The following ZHX2 variants were observed in gnomAD, a reference collection of about 807,000 sequenced individuals.
ZHX2 encodes the protein zinc fingers and homeoboxes 2.
ZHX2 carries 6 observed loss-of-function variants against 21.9 expected under a neutral mutation model. The observed-to-expected ratio is 0.27, with a 90% confidence interval of 0.15 to 0.54. The LOEUF (loss-of-function observed/expected upper bound fraction) is 0.54. Among genes scored for constraint, ZHX2 ranks in the 20% least tolerant of loss-of-function variants. The pLI, the probability that ZHX2 is intolerant of heterozygous loss-of-function variation, is 0.95. For missense variants in ZHX2, 908 were observed against 1,090.7 expected, an observed-to-expected ratio of 0.83 and a Z score of 2.36; for synonymous variants, 434 against 437.1, an observed-to-expected ratio of 0.99 and a Z score of 0.09.
chr8:122,809,324 G>A (rs978321982), intron 1 of ZHX2: 3 of 152,126 alleles, frequency 2.0e-5, no homozygotes, highest in African/African-American at 7.2e-5. Flanking sequence ...ATGGCAAAAT[G>A]CCATCTCTAC....
intron 2 of ZHX2, among the ~76,000 whole-genome samples, chr8:122,923,102 A>G (rs1360082019): frequency 6.6e-6 from 1 of 152,244 alleles, no homozygotes; most frequent in African/African-American, 2.4e-5. Context: ...GAATCTTCTC[A>G]CATTCCTGGT....
intron 1 of ZHX2, among the ~76,000 whole-genome samples, chr8:122,800,963 T>G (rs1041739879): frequency 2.6e-5 from 4 of 152,244 alleles, no homozygotes; most frequent in African/African-American, 7.2e-5. Context: ...GCTCAAAAGT[T>G]AAATATTTGT....
At chr8:122,813,801 T>C (rs914615432) in intron 1 of ZHX2, among the ~76,000 whole-genome samples, 2 of 152,240 alleles carry the variant, frequency 1.3e-5, no homozygotes, top group African/African-American at 2.4e-5. Flanking sequence ...TTAAAGCATT[T>C]TGAATGTCAG....
At chr8:122,785,954 GACAA>G (rs1817386755) in intron 1 of ZHX2, among the ~76,000 whole-genome samples, 1 of 152,194 alleles carries the variant, frequency 6.6e-6, no homozygotes, top group Non-Finnish European at 1.5e-5. Flanking sequence ...ACCTTGTGCA[GACAA>G]ACGAGCTTAG....
chr8:122,879,504 TG>T (rs1279119506), intron 2 of ZHX2, among the ~76,000 whole-genome samples: 12 of 126,696 alleles, frequency 9.5e-5, no homozygotes, highest in Admixed American at 2.8e-4. Context: ...TGCACCGGGC[TG>T]GTTTTTTTTT....
intron 1 of ZHX2, among the ~76,000 whole-genome samples, chr8:122,825,003 T>A (rs1818233164): frequency 6.6e-6 from 1 of 152,192 alleles, no homozygotes. Context: ...GCCTGGCTCC[T>A]TCATTCATAA....
At chr8:122,821,226 G>A (rs905582521) in intron 1 of ZHX2, among the ~76,000 whole-genome samples, 37 of 152,184 alleles carry the variant, frequency 2.4e-4, no homozygotes, top group Admixed American at 2.3e-3. Context: ...GGAACCAGCT[G>A]CCAGGCTTCC....
At chr8:122,871,639 G>A (rs1819440200) in intron 2 of ZHX2, among the ~76,000 whole-genome samples, 1 of 145,588 alleles carries the variant, frequency 6.9e-6, no homozygotes, top group Non-Finnish European at 1.5e-5. Context: ...TAACAAACCT[G>A]CACGTTGTGC....
At chr8:122,937,770 C>T (rs866247611) in intron 2 of ZHX2, among the ~76,000 whole-genome samples, 2 of 151,424 alleles carry the variant, frequency 1.3e-5, no homozygotes, top group Admixed American at 6.6e-5. Flanking sequence ...GTAGAGACAG[C>T]GTTTCACCAT....
At chr8:122,869,117 CT>C (rs1819370663) in intron 2 of ZHX2, among the ~76,000 whole-genome samples, 1 of 152,180 alleles carries the variant, frequency 6.6e-6, no homozygotes, top group Non-Finnish European at 1.5e-5. Flanking sequence ...CTCTTGTCCT[CT>C]CCCCTGAGGC....
chr8:122,848,498 C>T (rs763782968), intron 1 of ZHX2, among the ~76,000 whole-genome samples: 6 of 152,110 alleles, frequency 3.9e-5, no homozygotes, highest in Non-Finnish European at 7.4e-5. Context: ...CCCACCACTC[C>T]CCAGATTAAC....
At chr8:122,825,245 C>T (rs1818239468) in intron 1 of ZHX2, among the ~76,000 whole-genome samples, 1 of 152,212 alleles carries the variant, frequency 6.6e-6, no homozygotes, top group Non-Finnish European at 1.5e-5. Flanking sequence ...CATGCACATT[C>T]TCCCCTGATG....
chr8:122,861,170 G>A (rs537161899), intron 1 of ZHX2, among the ~76,000 whole-genome samples: 8 of 152,042 alleles, frequency 5.3e-5, no homozygotes, highest in Non-Finnish European at 1.0e-4. Context: ...GAGGAAGAAC[G>A]TGGAGTGAGC....
intron 2 of ZHX2, among the ~76,000 whole-genome samples, chr8:122,884,169 A>T (rs972378569): frequency 6.6e-6 from 1 of 152,240 alleles, no homozygotes; most frequent in Admixed American, 6.5e-5. Context: ...TAAATATTTT[A>T]AAAGTACAGT....
In ZHX2 at chr8:122,973,354, T is replaced by C. The variant is rs1813774400; in HGVS notation, c.*117T>C. 6.5e-6 allele frequency: 1 copy of C among 152,736 alleles called. No individual in the cohort carries two copies. Among genetic ancestry groups the C allele is most frequent in the African/African-American group, 2.4e-5 (1 of 41,474 alleles). 9.5% of individuals were successfully genotyped at this position (152,736 alleles called of 1,614,324 possible). A position where few individuals can be genotyped will look rare whatever the true frequency, so the allele number is the denominator to read the frequency against. ...CCTTGCCAGTGACTCCAAGTGGAAC[T>C]ACTTAGCTCGCGTGTGCCTGGAGGG... On this transcript the variant is annotated 3_prime_UTR_variant, in exon 4 of 4. Transcript: ENST00000314393.
At chr8:122,849,084 C>G (rs957872500) in intron 1 of ZHX2, among the ~76,000 whole-genome samples, 1 of 152,196 alleles carries the variant, frequency 6.6e-6, no homozygotes, top group East Asian at 1.9e-4. Context: ...CATGGGATGG[C>G]CAGGCAGGGA....
intron 2 of ZHX2, among the ~76,000 whole-genome samples, chr8:122,874,289 C>T (rs1323701365): frequency 2.0e-5 from 3 of 152,168 alleles, no homozygotes; most frequent in African/African-American, 7.2e-5. Context: ...TTACAATCAT[C>T]AGTTCTAATA....
chr8:122,923,328 C>T (rs1336482119), intron 2 of ZHX2, among the ~76,000 whole-genome samples: 1 of 152,206 alleles, frequency 6.6e-6, no homozygotes, highest in South Asian at 2.1e-4. Context: ...ACTGGCTGAG[C>T]GTCTGTCTCC....
chr8:122,925,797 A>T (rs1563586925), intron 2 of ZHX2, among the ~76,000 whole-genome samples: 1 of 152,290 alleles, frequency 6.6e-6, no homozygotes, highest in African/African-American at 2.4e-5. Context: ...GAACTTGGAC[A>T]ATATTTCAGG....
Sources: gnomAD v4.1 joint callset for allele counts (sites outside exome capture counted in the v4.1 genomes callset) on GRCh38, gnomAD v4.1.1 for gene constraint, MANE v1.5 for transcripts, NCBI Gene and HGNC (gene_info 2026-07-23, HGNC 2026-07-21) for gene names.